The following CD1B variants were observed in gnomAD, a reference collection of about 807,000 sequenced individuals.
CD1B encodes the protein CD1b molecule, also known as T-cell surface glycoprotein CD1b.
CD1B carries 43 observed loss-of-function variants against 39.8 expected under a neutral mutation model. The ratio of observed to expected loss-of-function variants is 1.08; its 90% CI spans 0.85 to 1.39. The LOEUF is 1.39. Among genes scored for constraint, CD1B ranks in the 40% most tolerant of loss-of-function variants. CD1B has a pLI of 0.00. For missense variants in CD1B, 495 were observed against 403.8 expected, an observed-to-expected ratio of 1.23 and a Z score of -1.94; for synonymous variants, 192 against 152.5, an observed-to-expected ratio of 1.26 and a Z score of -1.91.
the CD1B span, among the ~76,000 whole-genome samples, chr1:158,309,419 G>A: frequency 2.0e-5 from 3 of 152,166 alleles, no homozygotes; most frequent in Admixed American, 1.3e-4. Flanking sequence ...GGAGGTCAGT[G>A]TGGCGATTCC....
At chr1:158,329,044 C>T in intron 4 of CD1B, 30 bp from the exon 5 acceptor site, 2 of 1,544,098 alleles carry the variant, frequency 1.3e-6, no homozygotes, top group South Asian at 1.1e-5. Context: ...AAAAGGATGT[C>T]ACTTCAGATA....
the CD1B span, among the ~76,000 whole-genome samples, chr1:158,309,714 A>C: frequency 6.6e-6 from 1 of 152,068 alleles, no homozygotes; most frequent in African/African-American, 2.4e-5. Flanking sequence ...CACCTTTCTC[A>C]GCAAACTATT....
At chr1:158,308,254 C>A in the CD1B span, among the ~76,000 whole-genome samples, 1 of 152,094 alleles carries the variant, frequency 6.6e-6, no homozygotes, top group Non-Finnish European at 1.5e-5. Context: ...GAATAAAATA[C>A]CTAGGAATCC....
chr1:158,309,756 T>G, the CD1B span, among the ~76,000 whole-genome samples: 1 of 141,654 alleles, frequency 7.1e-6, no homozygotes, highest in Non-Finnish European at 1.5e-5. Flanking sequence ...CTGCATGTTC[T>G]CACTCACCGG....
At chr1:158,322,619 T>C in the CD1B span, among the ~76,000 whole-genome samples, 1 of 152,134 alleles carries the variant, frequency 6.6e-6, no homozygotes, top group Non-Finnish European at 1.5e-5. Flanking sequence ...TATTTTCTTG[T>C]TACACATTAG....
downstream of CD1B, among the ~76,000 whole-genome samples, chr1:158,327,490 A>G (rs548550500): frequency 1.3e-5 from 2 of 151,570 alleles, no homozygotes; most frequent in South Asian, 4.2e-4. Context: ...AACTAAAAAG[A>G]AAAAAAAATG....
the CD1B span, among the ~76,000 whole-genome samples, chr1:158,316,194 A>G: frequency 6.6e-6 from 1 of 152,066 alleles, no homozygotes; most frequent in African/African-American, 2.4e-5. Context: ...TTCTGTGAAG[A>G]AAGGCATTGG....
At chr1:158,318,488 C>A in the CD1B span, among the ~76,000 whole-genome samples, 3 of 152,012 alleles carry the variant, frequency 2.0e-5, no homozygotes, top group Non-Finnish European at 4.4e-5. Context: ...ATTGCAATCC[C>A]TGCCTTTTTT....
chr1:158,308,159 G>A, the CD1B span, among the ~76,000 whole-genome samples: 4 of 152,130 alleles, frequency 2.6e-5, no homozygotes, highest in Admixed American at 6.5e-5. Flanking sequence ...AAGTCAATGT[G>A]CAAAAATCAC....
chr1:158,329,007 G>A lies in CD1B; in HGVS notation c.894C>T (p.Pro298=). ...GQDIILYWRN[P]TSIGSIVLAI... is the part of the protein sequence containing the mutation. ...CCAAAACAATTGAGCCAATGGAGGT[G>A]GGGTTTCCTGGCAATTGAGAGAGGA... Residue 298 remains proline, a synonymous_variant, in exon 5 of 6, where the codon CCC becomes CCT. Transcript: ENST00000368168. The A allele has an allele frequency of 6.2e-7, 1 of 1,612,424 alleles. No homozygotes were observed.
At chr1:158,291,292 G>A in the CD1B span, 1 of 1,614,004 alleles carries the variant, frequency 6.2e-7, no homozygotes, top group Admixed American at 1.7e-5. Flanking sequence ...CTGGTCCAAG[G>A]GCAACTTCAG....
the CD1B span, among the ~76,000 whole-genome samples, chr1:158,316,326 A>C: frequency 6.6e-6 from 1 of 151,686 alleles, no homozygotes; most frequent in Non-Finnish European, 1.5e-5. Context: ...ATCCTCTTTT[A>C]TTTCATTGAG....
chr1:158,330,644 A>G, intron 2 of CD1B, 152 bp downstream of exon 2: 1 of 800,244 alleles, frequency 1.2e-6, no homozygotes, highest in South Asian at 1.4e-5. Flanking sequence ...TGATGGTGTG[A>G]AGCTGGAGTG....
intron 1 of CD1B, 86 bp downstream of exon 1, chr1:158,331,277 G>C (rs1224785848): frequency 7.7e-7 from 1 of 1,291,426 alleles, no homozygotes; most frequent in African/African-American, 1.5e-5. Context: ...GACCCTTAGT[G>C]TCCAATTGCA....
chr1:158,293,180 A>G, the CD1B span: 1 of 1,513,420 alleles, frequency 6.6e-7, no homozygotes, highest in Non-Finnish European at 9.1e-7. Flanking sequence ...TGAGTTTAAA[A>G]TGGCATCCAT....
chr1:158,286,609 G>C, the CD1B span, among the ~76,000 whole-genome samples: 1 of 152,214 alleles, frequency 6.6e-6, no homozygotes, highest in Non-Finnish European at 1.5e-5. Flanking sequence ...CTGTGGCTGT[G>C]ATCTCTGTCC....
At chr1:158,313,894 G>A in the CD1B span, among the ~76,000 whole-genome samples, 1 of 151,948 alleles carries the variant, frequency 6.6e-6, no homozygotes, top group Non-Finnish European at 1.5e-5. Context: ...TCAATCTTGT[G>A]GTTGTATGAG....
chr1:158,319,432 A>T, the CD1B span, among the ~76,000 whole-genome samples: 1 of 152,242 alleles, frequency 6.6e-6, no homozygotes, highest in Admixed American at 6.5e-5. Flanking sequence ...CATCAATGAT[A>T]CCCTTTCTTC....
chr1:158,291,379 G>A, the CD1B span: 1 of 1,614,056 alleles, frequency 6.2e-7, no homozygotes, highest in South Asian at 1.1e-5. Context: ...TCAAGACCAT[G>A]CAAGTCAAGA....
Sources: allele counts gnomAD v4.1 joint callset (sites outside exome capture counted in the v4.1 genomes callset), GRCh38; gene constraint gnomAD v4.1.1; transcripts MANE v1.5; gene names NCBI Gene and HGNC (gene_info 2026-07-23, HGNC 2026-07-21).